ROBO2: variants seen among roughly 807,000 people sequenced by gnomAD.
The protein encoded by ROBO2 is roundabout guidance receptor 2, also known as roundabout homolog 2.
Under a neutral mutation model 160.8 loss-of-function variants are expected in ROBO2, and 53 were observed. The ratio of observed to expected loss-of-function variants is 0.33; its 90% confidence interval spans 0.26 to 0.41. ROBO2 has a LOEUF of 0.41. Ranked by LOEUF, ROBO2 falls within the 10% of genes least tolerant of loss-of-function variation. The pLI is 1.00. For missense variants in ROBO2, 1,577 were observed against 1,722.4 expected (o/e 0.92, Z 1.49); for synonymous variants, 664 against 611.7 (o/e 1.09, Z -1.26).
intron 2 of ROBO2, among the ~76,000 whole-genome samples, chr3:76,278,942 T>C (rs1708084007): frequency 6.6e-6 from 1 of 151,884 alleles, no homozygotes; most frequent in Admixed American, 6.6e-5. Flanking sequence ...GAGATAAAGG[T>C]GATTCTATTT....
At chr3:76,456,551 C>T (rs553510916) in intron 2 of ROBO2, among the ~76,000 whole-genome samples, 5 of 152,212 alleles carry the variant, frequency 3.3e-5, no homozygotes, top group Admixed American at 6.5e-5. Context: ...ATCTTTAAGA[C>T]GGTGGTCAGA....
At chr3:77,597,541 G>A (rs1435740865) in intron 19 of ROBO2, among the ~76,000 whole-genome samples, 1 of 152,024 alleles carries the variant, frequency 6.6e-6, no homozygotes, top group African/African-American at 2.4e-5. Flanking sequence ...TGGCTTGGCA[G>A]GTTCATGTGA....
intron 2 of ROBO2, among the ~76,000 whole-genome samples, chr3:76,907,413 G>A (rs529356787): frequency 2.6e-5 from 4 of 152,220 alleles, no homozygotes; most frequent in African/African-American, 9.6e-5. Flanking sequence ...ACAGTAGAAC[G>A]AGACTGGATT....
At chr3:77,291,116 G>A (rs1332070134) in intron 2 of ROBO2, among the ~76,000 whole-genome samples, 5 of 150,668 alleles carry the variant, frequency 3.3e-5, no homozygotes, top group African/African-American at 9.8e-5. Context: ...GCTGAGGCTA[G>A]ATCACCCCAG....
intron 2 of ROBO2, among the ~76,000 whole-genome samples, chr3:76,293,770 A>G (rs879102997): frequency 6.6e-6 from 1 of 152,226 alleles, no homozygotes; most frequent in Admixed American, 6.5e-5. Flanking sequence ...GGATTTGCAA[A>G]GTTAAAAACA....
intron 2 of ROBO2, among the ~76,000 whole-genome samples, chr3:76,186,554 CCTCT>C (rs1040627157): frequency 6.6e-6 from 1 of 152,022 alleles, no homozygotes; most frequent in African/African-American, 2.4e-5. Context: ...GGATCCCATT[CCTCT>C]CTGTCAATAG....
chr3:77,378,271 G>T (rs1387377728), intron 2 of ROBO2, among the ~76,000 whole-genome samples: 2 of 152,240 alleles, frequency 1.3e-5, no homozygotes, highest in Admixed American at 6.5e-5. Flanking sequence ...TTGAGAACTT[G>T]CACTTTGCCA....
At chr3:75,929,667 A>G (rs952535924) in intron 1 of ROBO2, among the ~76,000 whole-genome samples, 6 of 151,152 alleles carry the variant, frequency 4.0e-5, no homozygotes, top group Non-Finnish European at 8.8e-5. Flanking sequence ...TGGTATTGCC[A>G]TCATCAACAG....
intron 5 of ROBO2, among the ~76,000 whole-genome samples, chr3:77,514,980 A>G (rs2089849681): frequency 6.6e-6 from 1 of 151,754 alleles, no homozygotes; most frequent in Admixed American, 6.6e-5. Flanking sequence ...AACTGCCTCC[A>G]TATGTGGTTT....
intron 14 of ROBO2, among the ~76,000 whole-genome samples, chr3:77,575,544 A>T (rs909421043): frequency 1.3e-5 from 2 of 152,078 alleles, no homozygotes; most frequent in Non-Finnish European, 2.9e-5. Context: ...AGAGCTCTTA[A>T]ATTATACATT....
At chr3:76,672,158 C>T (rs75996740) in intron 2 of ROBO2, among the ~76,000 whole-genome samples, 1,526 of 152,226 alleles carry the variant, frequency 0.01, 14 homozygotes, top group Middle Eastern at 0.048. Context: ...TAGCTTTCTG[C>T]TTTGCCATCA....
chr3:77,292,731 T>A (rs1377978586), intron 2 of ROBO2, among the ~76,000 whole-genome samples: 14 of 96,326 alleles, frequency 1.5e-4, no homozygotes, highest in African/African-American at 3.9e-4. Flanking sequence ...AATTGATGGT[T>A]AAACGGGAAG....
chr3:76,517,996 T>C (rs2107835053), intron 2 of ROBO2, among the ~76,000 whole-genome samples: 1 of 152,262 alleles, frequency 6.6e-6, no homozygotes, highest in South Asian at 2.1e-4. Context: ...AAAAAAAAAC[T>C]TTATCATGCA....
chr3:77,004,409 T>G (rs1280388430), intron 2 of ROBO2, among the ~76,000 whole-genome samples: 1 of 152,146 alleles, frequency 6.6e-6, no homozygotes, highest in South Asian at 2.1e-4. Flanking sequence ...TGAGTAATAG[T>G]TCAGGATTGG....
At chr3:77,558,400 G>A (rs1365601552) in intron 9 of ROBO2, among the ~76,000 whole-genome samples, 1 of 152,046 alleles carries the variant, frequency 6.6e-6, no homozygotes, top group East Asian at 1.9e-4. Context: ...TATGTATACA[G>A]TCAACAAATC....
chr3:77,318,474 A>T (rs1214026125), intron 2 of ROBO2, among the ~76,000 whole-genome samples: 1 of 152,230 alleles, frequency 6.6e-6, no homozygotes, highest in African/African-American at 2.4e-5. Flanking sequence ...AACGTTATGA[A>T]TACAAGTATT....
At chr3:77,365,837 G>A (rs1400697188) in intron 2 of ROBO2, among the ~76,000 whole-genome samples, 1 of 127,714 alleles carries the variant, frequency 7.8e-6, no homozygotes, top group Non-Finnish European at 1.8e-5. Context: ...GATGTGAATG[G>A]AAGCTCTAGG....
intron 2 of ROBO2, among the ~76,000 whole-genome samples, chr3:76,938,382 A>T (rs540068502): frequency 7.0e-6 from 1 of 142,606 alleles, no homozygotes; most frequent in South Asian, 2.3e-4. Flanking sequence ...AAGGCTGCAT[A>T]TTGTCCCTCA....
chr3:77,201,307 TCGCCACTAAGAAGTTTTA>T (rs1560221285), intron 2 of ROBO2, among the ~76,000 whole-genome samples: 1 of 152,222 alleles, frequency 6.6e-6, no homozygotes, highest in Admixed American at 6.5e-5. Context: ...CCTGACCATT[TCGCCACTAAGAAGTTTTA>T]TAAATGTTAT....
Sources: gnomAD v4.1 joint callset for allele counts (sites outside exome capture counted in the v4.1 genomes callset) on GRCh38, gnomAD v4.1.1 for gene constraint, MANE v1.5 for transcripts, NCBI Gene and HGNC (gene_info 2026-07-23, HGNC 2026-07-21) for gene names.